Variants in GABRB1 observed in about 807,000 individuals in gnomAD.
GABRB1 encodes gamma-aminobutyric acid type A receptor subunit beta1, also known as gamma-aminobutyric acid receptor subunit beta-1.
GABRB1 carries 17 observed loss-of-function variants against 51.6 expected under a neutral mutation model. The observed-to-expected ratio is 0.33, with a 90% CI of 0.23 to 0.49. The LOEUF (loss-of-function observed/expected upper bound fraction) is 0.49. Ranked by LOEUF, GABRB1 falls within the 20% of genes least tolerant of loss-of-function variation. The pLI is 0.99. For missense variants in GABRB1, 410 were observed against 600.6 expected, an observed-to-expected ratio of 0.68 and a Z score of 3.32; for synonymous variants, 247 against 218.9, an observed-to-expected ratio of 1.13 and a Z score of -1.14.
intron 3 of GABRB1, among the ~76,000 whole-genome samples, chr4:47,109,881 C>A (rs1355631196): frequency 2.0e-5 from 3 of 151,904 alleles, no homozygotes; most frequent in African/African-American, 7.3e-5. Context: ...GTCCCCAGAG[C>A]TAGTGTCATT....
intron 4 of GABRB1, among the ~76,000 whole-genome samples, chr4:47,169,079 T>C (rs1304305126): frequency 3.9e-5 from 6 of 152,176 alleles, no homozygotes; most frequent in Non-Finnish European, 8.8e-5. Context: ...AAGGTCATAT[T>C]CTAAGTCACG....
At chr4:47,234,483 G>A (rs538339182) in intron 4 of GABRB1, among the ~76,000 whole-genome samples, 6 of 140,888 alleles carry the variant, frequency 4.3e-5, no homozygotes, top group South Asian at 2.2e-4. Context: ...GCAAAACTCC[G>A]TCTCAAAAAA....
intron 5 of GABRB1, among the ~76,000 whole-genome samples, chr4:47,391,544 T>C (rs986751764): frequency 1.3e-5 from 2 of 152,214 alleles, no homozygotes; most frequent in Non-Finnish European, 2.9e-5. Context: ...TAGGATCTTA[T>C]AATTCAAAGA....
chr4:47,412,105 G>C (rs1728777781), intron 8 of GABRB1, among the ~76,000 whole-genome samples: 1 of 152,092 alleles, frequency 6.6e-6, no homozygotes, highest in Non-Finnish European at 1.5e-5. Flanking sequence ...ATGGGATCCT[G>C]TGCTTTTCCA....
intron 3 of GABRB1, among the ~76,000 whole-genome samples, chr4:47,130,915 T>C (rs1716386599): frequency 6.6e-6 from 1 of 152,192 alleles, no homozygotes; most frequent in Admixed American, 6.5e-5. Context: ...TAATGTCCAT[T>C]AGGTGAGCTT....
At chr4:47,152,315 A>G (rs1717495502) in intron 3 of GABRB1, among the ~76,000 whole-genome samples, 2 of 152,052 alleles carry the variant, frequency 1.3e-5, no homozygotes, top group Non-Finnish European at 2.9e-5. Context: ...GATGCATTTG[A>G]TCATTTGCTA....
intron 5 of GABRB1, among the ~76,000 whole-genome samples, chr4:47,348,460 T>C (rs1332754223): frequency 6.6e-6 from 1 of 152,336 alleles, no homozygotes; most frequent in Non-Finnish European, 1.5e-5. Flanking sequence ...ATTTAAAATA[T>C]TGCATAAAAT....
Position 47,033,817 on chromosome 4 carries a change from G to A in GABRB1, c.240+1333G>A, listed in dbSNP as rs138409094. ...AAATAACGTATTTAAAATACTATTTGTAAATGTCTCTGATTGTCGTGCTGG... is the reference window on the plus strand; with the variant it reads ...AAATAACGTATTTAAAATACTATTTATAAATGTCTCTGATTGTCGTGCTGG... On this transcript the variant is annotated intron_variant, in intron 3 of 8. Transcript: ENST00000295454. Among the ~76,000 whole-genome samples the A allele has an allele frequency of 3.9e-3, 601 of 152,248 alleles. 1 individual carries two copies. Among genetic ancestry groups the A allele is most frequent in the African/African-American group, 0.014 (562 of 41,536 alleles).
intron 4 of GABRB1, among the ~76,000 whole-genome samples, chr4:47,301,259 A>G (rs1238861737): frequency 6.6e-6 from 1 of 152,182 alleles, no homozygotes; most frequent in Non-Finnish European, 1.5e-5. Flanking sequence ...ATTGGATATT[A>G]TAGTAGATTA....
intron 1 of GABRB1, among the ~76,000 whole-genome samples, chr4:47,009,037 G>A (rs1352324045): frequency 2.7e-5 from 4 of 146,330 alleles, no homozygotes; most frequent in African/African-American, 1.0e-4. Flanking sequence ...CTAATTTTTT[G>A]TATTTTTTAG....
intron 4 of GABRB1, among the ~76,000 whole-genome samples, chr4:47,260,949 C>G (rs531915003): frequency 6.6e-6 from 1 of 152,096 alleles, no homozygotes; most frequent in African/African-American, 2.4e-5. Context: ...AGACAAAAAC[C>G]ACATGATTAT....
rs1057451043 is a variant in GABRB1 at position 47,235,803 on chromosome 4, C to A, written c.461+74334C>A. ...TTAATTTTATTTAAAAATTTTTAAACGATTAAGATGTTAAATTGGTTTACA... is the reference window on the plus strand; with the variant it reads ...TTAATTTTATTTAAAAATTTTTAAAAGATTAAGATGTTAAATTGGTTTACA... On this transcript the variant is annotated intron_variant, in intron 4 of 8. Coordinates refer to ENST00000295454, the MANE Select transcript of GABRB1 (RefSeq NM_000812.4). 2.6e-5 allele frequency among the ~76,000 whole-genome samples: 4 copies of A among 151,906 alleles called. No homozygotes were observed. In the East Asian group the frequency reaches 7.7e-4, roughly 29 times the overall value.
intron 5 of GABRB1, among the ~76,000 whole-genome samples, chr4:47,355,547 A>G (rs1398111961): frequency 1.3e-5 from 2 of 152,232 alleles, no homozygotes; most frequent in East Asian, 3.8e-4. Flanking sequence ...GACAAAAAAC[A>G]GAGAAACACT....
intron 4 of GABRB1, among the ~76,000 whole-genome samples, chr4:47,259,444 G>A (rs111697170): frequency 6.6e-6 from 1 of 152,098 alleles, no homozygotes; most frequent in African/African-American, 2.4e-5. Context: ...AGTCAATAAT[G>A]TTTATAGTAT....
chr4:47,004,722 GAC>G (rs146171739), intron 1 of GABRB1, among the ~76,000 whole-genome samples: 4,338 of 152,202 alleles, frequency 0.029, 204 homozygotes, highest in African/African-American at 0.099. Flanking sequence ...AAAAACAGAT[GAC>G]ACAGTCTCTT....
At chr4:47,388,935 T>C (rs879899457) in intron 5 of GABRB1, among the ~76,000 whole-genome samples, 3 of 152,226 alleles carry the variant, frequency 2.0e-5, no homozygotes, top group Non-Finnish European at 4.4e-5. Context: ...TCATGGTGGA[T>C]ACTCTCCAAG....
intron 8 of GABRB1, among the ~76,000 whole-genome samples, chr4:47,417,289 T>G (rs1728958836): frequency 6.6e-6 from 1 of 152,156 alleles, no homozygotes; most frequent in South Asian, 2.1e-4. Flanking sequence ...TTTTTTCCTT[T>G]TCTATTTCCT....
At chr4:47,149,616 T>C (rs114567078) in intron 3 of GABRB1, among the ~76,000 whole-genome samples, 157 of 152,134 alleles carry the variant, frequency 1.0e-3, no homozygotes, top group African/African-American at 3.7e-3. Context: ...TCCCATGCCA[T>C]TAGTATGGAG....
intron 5 of GABRB1, among the ~76,000 whole-genome samples, chr4:47,358,179 A>C (rs1254416122): frequency 6.6e-6 from 1 of 152,110 alleles, no homozygotes; most frequent in Non-Finnish European, 1.5e-5. Context: ...AGTAAACTAG[A>C]ATATATAATG....
Sources: allele counts gnomAD v4.1 joint callset (sites outside exome capture counted in the v4.1 genomes callset), GRCh38; gene constraint gnomAD v4.1.1; transcripts MANE v1.5; gene names NCBI Gene and HGNC (gene_info 2026-07-23, HGNC 2026-07-21).